The following PGBD5 variants were observed in gnomAD, a reference collection of about 807,000 sequenced individuals.
The protein encoded by PGBD5 is piggyBac transposable element derived 5.
PGBD5 carries 14 observed loss-of-function variants against 47.9 expected under a neutral mutation model. That is an observed-to-expected ratio of 0.29 (90% CI 0.19 to 0.46). The LOEUF (loss-of-function observed/expected upper bound fraction) is 0.46. Among genes scored for constraint, PGBD5 ranks in the 20% least tolerant of loss-of-function variants. PGBD5 has a pLI of 1.00. For synonymous variants in PGBD5, 316 were observed against 306.3 expected (o/e 1.03, Z -0.33); for missense variants, 635 against 716.0 (o/e 0.89, Z 1.29).
At chr1:230,412,014 C>A (rs1038781893) in intron 1 of PGBD5, among the ~76,000 whole-genome samples, 1 of 152,114 alleles carries the variant, frequency 6.6e-6, no homozygotes, top group Non-Finnish European at 1.5e-5. Context: ...AAAAGAAAAA[C>A]CCTACACATG....
chr1:230,414,267 C>T (rs532100222), intron 1 of PGBD5, among the ~76,000 whole-genome samples: 1 of 152,288 alleles, frequency 6.6e-6, no homozygotes, highest in African/African-American at 2.4e-5. Flanking sequence ...GCTCTGTGCA[C>T]ATCGCAATGC....
intron 1 of PGBD5, among the ~76,000 whole-genome samples, chr1:230,412,164 C>G (rs1181960775): frequency 6.6e-6 from 1 of 152,060 alleles, no homozygotes; most frequent in Non-Finnish European, 1.5e-5. Flanking sequence ...AGTCAAGAAC[C>G]ATGTATAATA....
chr1:230,369,096 G>A (rs1045562937), intron 1 of PGBD5, among the ~76,000 whole-genome samples: 3 of 152,242 alleles, frequency 2.0e-5, no homozygotes, highest in African/African-American at 2.4e-5. Context: ...TGAGAGTCTC[G>A]GGTGAAGCCA....
At chr1:230,344,601 T>G (rs1667451111) in intron 3 of PGBD5, among the ~76,000 whole-genome samples, 1 of 152,194 alleles carries the variant, frequency 6.6e-6, no homozygotes. Flanking sequence ...GGCTTCCAGG[T>G]CAGCTAGCTT....
chr1:230,421,637 G>A (rs1657651086), intron 1 of PGBD5, among the ~76,000 whole-genome samples: 1 of 152,176 alleles, frequency 6.6e-6, no homozygotes. Context: ...TACATGAACA[G>A]ACTCCTGGGA....
chr1:230,389,563 G>C (rs538628148), intron 1 of PGBD5, among the ~76,000 whole-genome samples: 34 of 152,294 alleles, frequency 2.2e-4, no homozygotes, highest in African/African-American at 8.2e-4. Flanking sequence ...CCTTGTCCCT[G>C]GACTTGTAGG....
intron 1 of PGBD5, among the ~76,000 whole-genome samples, chr1:230,374,325 G>A (rs1331262752): frequency 6.6e-6 from 1 of 152,176 alleles, no homozygotes; most frequent in Non-Finnish European, 1.5e-5. Flanking sequence ...GCTGAGGCAG[G>A]AGAACTGCTT....
intron 3 of PGBD5, among the ~76,000 whole-genome samples, chr1:230,345,299 G>A (rs1229322881): frequency 6.6e-6 from 1 of 152,196 alleles, no homozygotes; most frequent in Non-Finnish European, 1.5e-5. Context: ...GAGGGCACAG[G>A]CTTCCAGGAT....
intron 1 of PGBD5, among the ~76,000 whole-genome samples, chr1:230,369,650 G>A (rs904694842): frequency 6.6e-6 from 1 of 152,286 alleles, no homozygotes; most frequent in Admixed American, 6.5e-5. Context: ...CAGGGAGAGT[G>A]TGTGTCACAA....
chr1:230,349,740 GCA>G (rs1412413417), intron 3 of PGBD5, among the ~76,000 whole-genome samples: 2 of 152,152 alleles, frequency 1.3e-5, no homozygotes, highest in East Asian at 1.9e-4. Context: ...ATCACAAAAG[GCA>G]CTATAGAGAT....
At chr1:230,337,317 T>C (rs1337957350) in intron 3 of PGBD5, 29 bp from the exon 4 acceptor site, 2 of 1,570,814 alleles carry the variant, frequency 1.3e-6, no homozygotes, top group South Asian at 2.3e-5. Flanking sequence ...GAGGTTAGCG[T>C]GCTCACAGCA....
chr1:230,356,450 C>A (rs928924554), intron 2 of PGBD5, among the ~76,000 whole-genome samples: 1 of 152,188 alleles, frequency 6.6e-6, no homozygotes, highest in Admixed American at 6.5e-5. Flanking sequence ...GCATAAGTAA[C>A]CCCCGATGAT....
intron 1 of PGBD5, among the ~76,000 whole-genome samples, chr1:230,366,260 A>G (rs1667831282): frequency 6.6e-6 from 1 of 152,124 alleles, no homozygotes; most frequent in Non-Finnish European, 1.5e-5. Flanking sequence ...CAAACCATAG[A>G]TTTCACTCAT....
At chr1:230,350,698 A>G (rs540489245) in intron 3 of PGBD5, among the ~76,000 whole-genome samples, 2 of 152,304 alleles carry the variant, frequency 1.3e-5, no homozygotes, top group East Asian at 1.9e-4. Context: ...TCATTTACCC[A>G]GATGGGCTTG....
chr1:230,362,504 GA>G, intron 1 of PGBD5: 1 of 1,176,508 alleles, frequency 8.5e-7, no homozygotes. Context: ...CCAGCTTCAT[GA>G]AGCATCACCT....
Position 230,323,652 on chromosome 1 carries a change from C to T in PGBD5, c.1380-32G>A, listed in dbSNP as rs947649993. 1.1e-5 allele frequency: 17 copies of T among 1,591,164 alleles called. No homozygotes were observed. Among genetic ancestry groups the T allele is most frequent in the Admixed American group, 3.4e-5 (2 of 58,736 alleles). ...ACAGAGGGAATAAGAACGGCTGACC[C>T]GATGGTTCATGGCACCCGGAGATGC... is the stretch of plus-strand genomic sequence containing the variant. On this transcript the variant is annotated intron_variant, in intron 6 of 6. Coordinates refer to ENST00000391860, the MANE Select transcript of PGBD5 (RefSeq NM_001258311.2). This position sits in a 1 kb window ranked among gnomAD's most constrained non-coding sequence, Gnocchi z 4.1.
At chr1:230,424,334 AGCCCAAAT>A (rs1657722856) in intron 1 of PGBD5, among the ~76,000 whole-genome samples, 1 of 152,236 alleles carries the variant, frequency 6.6e-6, no homozygotes, top group Non-Finnish European at 1.5e-5. Flanking sequence ...TCTTAACTAC[AGCCCAAAT>A]GCACATGCTT....
chr1:230,421,352 A>G (rs74146024), intron 1 of PGBD5, among the ~76,000 whole-genome samples: 13,455 of 152,278 alleles, frequency 0.088, 1,206 homozygotes, highest in East Asian at 0.28. Flanking sequence ...CCATAAAAAT[A>G]AATATTTTTT....
intron 1 of PGBD5, among the ~76,000 whole-genome samples, chr1:230,420,428 A>G (rs1474967715): frequency 6.6e-6 from 1 of 152,180 alleles, no homozygotes; most frequent in Non-Finnish European, 1.5e-5. Flanking sequence ...GATTTTTACA[A>G]TTTTTGATGT....
Sources: gnomAD v4.1 joint callset for allele counts (sites outside exome capture counted in the v4.1 genomes callset) on GRCh38, gnomAD v4.1.1 for gene constraint, Gnocchi (gnomAD v3.1) non-coding constraint, MANE v1.5 for transcripts, NCBI Gene and HGNC (gene_info 2026-07-23, HGNC 2026-07-21) for gene names.